Variants in KARS1 observed in about 807,000 individuals in gnomAD.
KARS1 encodes lysyl-tRNA synthetase 1.
In KARS1, 50 loss-of-function variants were observed where a neutral mutation model predicts 63.9. That is an observed-to-expected ratio of 0.78 (90% confidence interval 0.62 to 0.99). KARS1 has a LOEUF of 0.99. KARS1 is among the 50% of genes least tolerant of loss of function. KARS1 has a pLI of 0.00. For missense variants in KARS1, 816 were observed against 754.5 expected, an observed-to-expected ratio of 1.08 and a Z score of -0.95; for synonymous variants, 320 against 264.6, an observed-to-expected ratio of 1.21 and a Z score of -2.03.
chr16:75,636,631 A>ATTTTTTTTTTTTTTT (rs57060791), intron 3 of KARS1, 84 bp from the exon 4 acceptor site: 1 of 623,296 alleles, frequency 1.6e-6, no homozygotes. Context: ...CTCCCTCTGC[A>ATTTTTTTTTTTTTTT]TTTTTTTTTT....
intron 3 of KARS1, among the ~76,000 whole-genome samples, chr16:75,639,083 G>T (rs1256994439): frequency 2.6e-5 from 4 of 151,966 alleles, no homozygotes; most frequent in Admixed American, 2.6e-4. Flanking sequence ...CAGGAGAATC[G>T]CTTGAACCCG....
At chr16:75,633,951 A>G (rs2151803985) in intron 7 of KARS1, 2 of 557,092 alleles carry the variant, frequency 3.6e-6, no homozygotes, top group Non-Finnish European at 6.6e-6. Context: ...GTGCCTGTAT[A>G]CATGGGAAAG....
In KARS1 at chr16:75,644,306, G is replaced by A. The variant is rs572345681; in HGVS notation, c.63-2583C>T. 17 of 1,604,774 alleles carry A rather than the reference G, an allele frequency of 1.1e-5. 1 individual carries two copies. The South Asian group carries it at 1.8e-4, about 17-fold the overall frequency. On this transcript the variant is annotated intron_variant, in intron 1 of 13. Transcript: ENST00000302445. ...ACCTTCTTTGATCAGAAAATGACTT[G>A]TCCTTGTGAGGCGCTGTGAAAGGAG...
chr16:75,645,805 C>G (rs960015073), intron 1 of KARS1, among the ~76,000 whole-genome samples: 2 of 149,106 alleles, frequency 1.3e-5, no homozygotes, highest in Non-Finnish European at 3.0e-5. Context: ...TGAAATCGCA[C>G]CGCTGCAATC....
chr16:75,639,333 AAGCCGAGGC>A lies in KARS1; in HGVS notation c.388+842_388+850del, dbSNP rs776621873. ...ACGCCTGTAATCCCAGCACTTTGGG[AAGCCGAGGC>A]AGGTGGATCACCTGAGGTCAGGAGT... On this transcript the variant is annotated intron_variant, in intron 3 of 13. Coordinates refer to ENST00000302445, the MANE Select transcript of KARS1 (RefSeq NM_005548.3). Among the ~76,000 whole-genome samples, 15 of 152,068 alleles carry A rather than the reference AAGCCGAGGC, an allele frequency of 9.9e-5. No individual in the cohort carries two copies. The East Asian group carries it at 1.4e-3, about 14-fold the overall frequency.
intron 7 of KARS1, among the ~76,000 whole-genome samples, chr16:75,632,224 A>AC (rs2082122449): frequency 1.3e-5 from 2 of 152,154 alleles, no homozygotes; most frequent in Admixed American, 1.3e-4. Flanking sequence ...CAGCTCTGGG[A>AC]AGTTTCAGTC....
intron 3 of KARS1, 103 bp from the exon 4 acceptor site, chr16:75,636,650 T>C (rs866059061): frequency 4.5e-5 from 34 of 748,674 alleles, no homozygotes; most frequent in African/African-American, 4.4e-4. Flanking sequence ...TTTGTTTTTT[T>C]TGGGACAGAG....
chr16:75,637,898 A>AC (rs2082179965), intron 3 of KARS1, among the ~76,000 whole-genome samples: 1 of 132,746 alleles, frequency 7.5e-6, no homozygotes, highest in African/African-American at 2.7e-5. Context: ...GAAAAAAGAG[A>AC]CCAAAAAAAA....
intron 11 of KARS1, 90 bp downstream of exon 11, chr16:75,630,333 C>T (rs2082097940): frequency 7.1e-6 from 6 of 850,018 alleles, no homozygotes; most frequent in East Asian, 5.4e-5. Context: ...GCAGAAAGAC[C>T]ACCAGTCAAA....
At chr16:75,647,663 AGTAAG>A in exon 1 of KARS1, 1 of 1,612,596 alleles carries the variant, frequency 6.2e-7, no homozygotes, top group South Asian at 1.1e-5. Flanking sequence ...CCGACCCAAA[AGTAAG>A]GAGGATAGTA....
chr16:75,629,545 G>C lies in KARS1; in HGVS notation c.1425-4C>G, dbSNP rs369753718. The C allele has an allele frequency of 3.7e-6, 6 of 1,613,854 alleles. No homozygotes were observed. In the African/African-American group the frequency reaches 8.0e-5, roughly 22 times the overall value. Reference sequence around the variant, plus strand: ...CAGACCCTCTTTAGAGCGGTGCCTAGGGACAGGAGACCAAAGAGGAGGCTG... The same window carrying C: ...CAGACCCTCTTTAGAGCGGTGCCTACGGACAGGAGACCAAAGAGGAGGCTG... On this transcript the variant is annotated splice_region_variant and splice_polypyrimidine_tract_variant and intron_variant, in intron 11 of 13. Transcript: ENST00000302445.
In KARS1 at chr16:75,647,603, C is replaced by A; in HGVS notation, c.37G>T (p.Gly13Cys). The A allele has an allele frequency of 6.2e-7, 1 of 1,613,524 alleles. No individual in the cohort carries two copies. The highest frequency in any genetic ancestry group is 2.2e-5 in the East Asian group (1 of 44,858). The change falls in exon 1 of 14, where the codon GGC becomes TGC. Residue 13 changes from glycine to cysteine, a missense_variant. Coordinates refer to ENST00000302445, the MANE Select transcript of KARS1 (RefSeq NM_005548.3). ...AVQAAEVKVD[G>C]SEPKLSKNEL... Reference sequence around the variant, plus strand: ...TTCTTGCTCAGTTTCGGCTCGCTGCCATCCACTTTCACCTCGGCCGCCTGC... The same window carrying A: ...TTCTTGCTCAGTTTCGGCTCGCTGCAATCCACTTTCACCTCGGCCGCCTGC...
rs79248873 is a variant in KARS1 at position 75,628,969 on chromosome 16, G to A, written c.1552-257C>T. 2,068 of 535,750 alleles carry A rather than the reference G, an allele frequency of 3.9e-3. 44 individuals carry two copies. Among genetic ancestry groups the A allele is most frequent in the African/African-American group, 0.036 (1,896 of 52,564 alleles). 33.2% of individuals were successfully genotyped at this position (535,750 alleles called of 1,614,324 possible). A position where few individuals can be genotyped will look rare whatever the true frequency, so the allele number is the denominator to read the frequency against. On this transcript the variant is annotated intron_variant, in intron 12 of 13. Transcript: ENST00000302445. ...AAAGAAAACCCTTCTGCTGCTTGGGGCTCTGGGACTCCAAACAGGTTAATT... is the reference window on the plus strand; with the variant it reads ...AAAGAAAACCCTTCTGCTGCTTGGGACTCTGGGACTCCAAACAGGTTAATT...
chr16:75,640,375 C>G (rs528036232), intron 2 of KARS1, 26 bp from the exon 3 acceptor site: 1 of 1,513,520 alleles, frequency 6.6e-7, no homozygotes, highest in Admixed American at 1.7e-5. Flanking sequence ...AAAAAAAAGC[C>G]CTTCAGAAGT....
rs779754217 is a variant in KARS1, at chr16:75,631,685, G to A, written c.1078+8C>T. ...CACCCGATGAGTATGAGAGAGAGCA[G>A]GAGTCACCTGAAACCATCTTCTCCG... On this transcript the variant is annotated splice_region_variant and intron_variant, in intron 8 of 13. Transcript: ENST00000302445. 8.1e-6 allele frequency: 13 copies of A among 1,614,062 alleles called. No homozygotes were observed. The Admixed American group carries it at 2.0e-4, about 25-fold the overall frequency.
At chr16:75,628,046 T>C in intron 13 of KARS1, 53 bp from the exon 14 acceptor site, 1 of 1,022,362 alleles carries the variant, frequency 9.8e-7, no homozygotes, top group Non-Finnish European at 1.6e-6. Flanking sequence ...CAACATTTTT[T>C]CACAGCTATC....
intron 11 of KARS1, among the ~76,000 whole-genome samples, 197 bp downstream of exon 11, chr16:75,630,226 C>G (rs1449329698): frequency 6.6e-6 from 1 of 152,070 alleles, no homozygotes; most frequent in Non-Finnish European, 1.5e-5. Flanking sequence ...AGGATAAGAT[C>G]GTATGTGGAG....
intron 6 of KARS1, among the ~76,000 whole-genome samples, chr16:75,634,604 C>A (rs1191733498): frequency 6.6e-6 from 1 of 152,148 alleles, no homozygotes; most frequent in African/African-American, 2.4e-5. Context: ...AAGACGGAGT[C>A]TTGCTCTGTT....
chr16:75,643,999 G>C lies in KARS1; in HGVS notation c.63-2276C>G, dbSNP rs1395314642. Among the ~76,000 whole-genome samples the C allele has an allele frequency of 5.9e-5, 9 of 152,318 alleles. No homozygotes were observed. In the South Asian group the frequency reaches 1.7e-3, roughly 28 times the overall value. On this transcript the variant is annotated intron_variant, in intron 1 of 13. Coordinates refer to ENST00000302445, the MANE Select transcript of KARS1 (RefSeq NM_005548.3). ...TCAAGAGCACACAAAACTCCAGAAA[G>C]ACAGAAAAGGGAAATAGCTGGCATT...
Sources: allele counts gnomAD v4.1 joint callset (sites outside exome capture counted in the v4.1 genomes callset), GRCh38; gene constraint gnomAD v4.1.1; transcripts MANE v1.5; gene names NCBI Gene and HGNC (gene_info 2026-07-23, HGNC 2026-07-21).